The following CDH18 variants were observed in gnomAD, a reference collection of about 807,000 sequenced individuals.
The protein encoded by CDH18 is cadherin-18.
A neutral mutation model predicts 67.9 loss-of-function variants in CDH18; 31 were observed. The observed-to-expected ratio is 0.46, with a 90% CI of 0.34 to 0.62. CDH18 has a LOEUF of 0.62. Among genes scored for constraint, CDH18 ranks in the 20% least tolerant of loss-of-function variants. CDH18 has a pLI of 0.01. For synonymous variants in CDH18, 362 were observed against 347.2 expected (o/e 1.04, Z -0.48); for missense variants, 890 against 975.5 (o/e 0.91, Z 1.17).
chr5:19,730,768 T>TAAAAAAAA (rs70950092), intron 4 of CDH18, among the ~76,000 whole-genome samples: 1 of 147,014 alleles, frequency 6.8e-6, no homozygotes, highest in African/African-American at 2.5e-5. Context: ...TATTAAATGG[T>TAAAAAAAA]AAAAAAAAAA....
intron 3 of CDH18, among the ~76,000 whole-genome samples, chr5:19,766,929 C>G (rs894262518): frequency 1.3e-5 from 2 of 151,996 alleles, no homozygotes; most frequent in African/African-American, 4.8e-5. Context: ...TTCATCTTTC[C>G]AACTTCACTC....
At chr5:19,488,403 C>T (rs951998919) in intron 11 of CDH18, among the ~76,000 whole-genome samples, 4 of 152,036 alleles carry the variant, frequency 2.6e-5, no homozygotes, top group Non-Finnish European at 2.9e-5. Context: ...AGTAATATTT[C>T]CAAATCTATC....
chr5:19,540,576 T>G (rs1750106187), intron 9 of CDH18, among the ~76,000 whole-genome samples: 1 of 152,130 alleles, frequency 6.6e-6, no homozygotes, highest in Non-Finnish European at 1.5e-5. Flanking sequence ...TTTCCATACA[T>G]TCTCTGAAAT....
chr5:19,516,458 G>T (rs957967978), intron 10 of CDH18, among the ~76,000 whole-genome samples: 6 of 152,098 alleles, frequency 3.9e-5, no homozygotes, highest in Admixed American at 3.9e-4. Flanking sequence ...GGTAGAATTT[G>T]GCTGTGAATA....
chr5:19,674,231 C>A (rs1759154101), intron 5 of CDH18, among the ~76,000 whole-genome samples: 1 of 151,930 alleles, frequency 6.6e-6, no homozygotes, highest in Non-Finnish European at 1.5e-5. Context: ...TAGAAGTTGA[C>A]TTTGCAAAAT....
chr5:19,791,354 T>A (rs1415191288), intron 3 of CDH18, among the ~76,000 whole-genome samples: 3 of 34,922 alleles, frequency 8.6e-5, no homozygotes, highest in Non-Finnish European at 2.3e-4. Context: ...ATTCGACTTT[T>A]AAACACACAC....
At chr5:20,270,950 T>C (rs1307041196) in intron 1 of CDH18, among the ~76,000 whole-genome samples, 3 of 151,682 alleles carry the variant, frequency 2.0e-5, no homozygotes, top group South Asian at 2.1e-4. Flanking sequence ...ATGGGCCACA[T>C]AGAGGGGAAC....
chr5:19,769,165 C>T lies in CDH18; in HGVS notation c.229-21929G>A, dbSNP rs10037640. ...CACTTGAAGATATAAAGCCGCAAAACTTTCTCTATTTGATAGAAACCATAA... is the reference window on the plus strand; with the variant it reads ...CACTTGAAGATATAAAGCCGCAAAATTTTCTCTATTTGATAGAAACCATAA... On this transcript the variant is annotated intron_variant, in intron 3 of 12. Coordinates refer to ENST00000382275, the MANE Select transcript of CDH18 (RefSeq NM_004934.5). Among the ~76,000 whole-genome samples, 820 of 152,168 alleles carry T rather than the reference C, an allele frequency of 5.4e-3. 9 individuals carry two copies. The highest frequency in any genetic ancestry group is 0.019 in the African/African-American group (788 of 41,562).
At chr5:19,967,408 T>A (rs1797563786) in intron 2 of CDH18, among the ~76,000 whole-genome samples, 1 of 152,130 alleles carries the variant, frequency 6.6e-6, no homozygotes, top group East Asian at 1.9e-4. Context: ...ACTGAGTGCC[T>A]TCTGTGTGCT....
At chr5:20,024,333 G>T (rs970006701) in intron 2 of CDH18, among the ~76,000 whole-genome samples, 1 of 152,130 alleles carries the variant, frequency 6.6e-6, no homozygotes, top group Non-Finnish European at 1.5e-5. Context: ...CTGGGACTGG[G>T]GTAGGGTGCT....
chr5:20,203,080 G>T (rs1328081708), intron 2 of CDH18, among the ~76,000 whole-genome samples: 1 of 151,990 alleles, frequency 6.6e-6, no homozygotes, highest in Non-Finnish European at 1.5e-5. Flanking sequence ...TGTCTTTGAT[G>T]GTGCTCTCCC....
chr5:19,836,498 T>A (rs1216780509), intron 3 of CDH18, among the ~76,000 whole-genome samples: 3 of 152,132 alleles, frequency 2.0e-5, no homozygotes, highest in African/African-American at 4.8e-5. Flanking sequence ...ATCCTTTGCC[T>A]ACTTTTTGAA....
chr5:20,462,503 T>C (rs1334175525), intron 1 of CDH18, among the ~76,000 whole-genome samples: 1 of 152,206 alleles, frequency 6.6e-6, no homozygotes, highest in Non-Finnish European at 1.5e-5. Flanking sequence ...ACTTGAAATG[T>C]TCCCAACATA....
At chr5:20,466,614 C>G (rs1751649830) in intron 1 of CDH18, among the ~76,000 whole-genome samples, 1 of 152,108 alleles carries the variant, frequency 6.6e-6, no homozygotes, top group Admixed American at 6.6e-5. Flanking sequence ...TTACATTTTA[C>G]TTTTCCCTAA....
At chr5:20,406,496 C>A (rs547224507) in intron 1 of CDH18, among the ~76,000 whole-genome samples, 1,581 of 151,866 alleles carry the variant, frequency 0.01, 31 homozygotes, top group African/African-American at 0.036. Context: ...TTAATGGGTG[C>A]AGCACACCAA....
chr5:20,383,895 G>A (rs1249216246), intron 1 of CDH18, among the ~76,000 whole-genome samples: 1 of 151,912 alleles, frequency 6.6e-6, no homozygotes, highest in Non-Finnish European at 1.5e-5. Flanking sequence ...TATAATACAG[G>A]AATTGATATA....
chr5:20,021,706 A>C (rs1738436851), intron 2 of CDH18, among the ~76,000 whole-genome samples: 1 of 152,194 alleles, frequency 6.6e-6, no homozygotes, highest in African/African-American at 2.4e-5. Flanking sequence ...CTCCCTGGCC[A>C]TGCTTTCTGT....
chr5:20,418,588 C>T (rs1747548589), intron 1 of CDH18, among the ~76,000 whole-genome samples: 1 of 151,812 alleles, frequency 6.6e-6, no homozygotes, highest in African/African-American at 2.4e-5. Flanking sequence ...GTGGGTTTTT[C>T]AATTTTATTC....
intron 2 of CDH18, among the ~76,000 whole-genome samples, chr5:20,123,761 A>G (rs1046245171): frequency 2.6e-5 from 4 of 151,656 alleles, no homozygotes; most frequent in Non-Finnish European, 5.9e-5. Flanking sequence ...GGTGGTGGGC[A>G]CCTGTAGTCC....
Sources: gnomAD v4.1 joint callset for allele counts (sites outside exome capture counted in the v4.1 genomes callset) on GRCh38, gnomAD v4.1.1 for gene constraint, MANE v1.5 for transcripts, NCBI Gene and HGNC (gene_info 2026-07-23, HGNC 2026-07-21) for gene names.